PAX8: variants seen among roughly 807,000 people sequenced by gnomAD.
PAX8 encodes paired box 8.
In PAX8, 15 loss-of-function variants were observed where a neutral mutation model predicts 52.4. That is an observed-to-expected ratio of 0.29 (90% confidence interval 0.19 to 0.44). PAX8 has a LOEUF of 0.44. Among genes scored for constraint, PAX8 ranks in the 20% least tolerant of loss-of-function variants. The pLI, the probability that PAX8 is intolerant of heterozygous loss-of-function variation, is 1.00. For synonymous variants in PAX8, 284 were observed against 249.7 expected (o/e 1.14, Z -1.29); for missense variants, 554 against 602.5 (o/e 0.92, Z 0.84).
At chr2:113,250,094 C>T (rs540500807) in intron 2 of PAX8, among the ~76,000 whole-genome samples, 5 of 151,872 alleles carry the variant, frequency 3.3e-5, no homozygotes, top group South Asian at 2.1e-4. Flanking sequence ...GGTGAAACCC[C>T]GTCTCTACTA....
At chr2:113,246,646 G>T in intron 3 of PAX8, 108 bp downstream of exon 3, 3 of 1,272,930 alleles carry the variant, frequency 2.4e-6, no homozygotes, top group Non-Finnish European at 3.3e-6. Context: ...GCTGGACATT[G>T]GGAGCAAATC....
At chr2:113,235,956 C>A (rs1476886141) in intron 8 of PAX8, 1 of 263,866 alleles carries the variant, frequency 3.8e-6, no homozygotes, top group African/African-American at 2.3e-5. Flanking sequence ...GAGGCCCGGC[C>A]TAGGACTGGA....
intron 9 of PAX8, 92 bp from the exon 10 acceptor site, chr2:113,227,348 T>G: frequency 9.7e-7 from 1 of 1,030,948 alleles, no homozygotes; most frequent in Non-Finnish European, 1.5e-6. Flanking sequence ...CTCCATGCCA[T>G]TCCCACCCTC....
chr2:113,220,331 T>C (rs1573397998), intron 10 of PAX8, 153 bp from the exon 11 acceptor site: 1 of 645,332 alleles, frequency 1.5e-6, no homozygotes. Context: ...GCTCAGAAGG[T>C]CCCTCTGTCA....
intron 2 of PAX8, chr2:113,259,621 G>C (rs1692518852): frequency 6.6e-6 from 1 of 152,614 alleles, no homozygotes; most frequent in Non-Finnish European, 1.5e-5. Flanking sequence ...TAGCATCCCT[G>C]AATCTGTATT....
At chr2:113,252,683 GA>G (rs1345155077) in intron 2 of PAX8, among the ~76,000 whole-genome samples, 1 of 152,228 alleles carries the variant, frequency 6.6e-6, no homozygotes, top group Non-Finnish European at 1.5e-5. Flanking sequence ...AACTGTAGCC[GA>G]AAGACAGCAG....
rs4322837 is a variant in PAX8 at position 113,241,446 on chromosome 2, T to C, written c.777+105A>G. On this transcript the variant is annotated intron_variant, in intron 7 of 11. Transcript: ENST00000429538. ...GCATAAGGCAGGTGCCCTGAGCCCATTGATGCAACTTCCAGCTGCTTTGAT... is the reference window on the plus strand; with the variant it reads ...GCATAAGGCAGGTGCCCTGAGCCCACTGATGCAACTTCCAGCTGCTTTGAT... 61,487 of 1,149,208 alleles carry C rather than the reference T, an allele frequency of 0.054. 2,392 individuals carry two copies. Among genetic ancestry groups the C allele is most frequent in the South Asian group, 0.15 (11,368 of 76,000 alleles). 71.2% of individuals were successfully genotyped at this position (1,149,208 alleles called of 1,614,324 possible).
chr2:113,235,867 C>A (rs1690251258), intron 8 of PAX8: 1 of 456,998 alleles, frequency 2.2e-6, no homozygotes, highest in African/African-American at 2.0e-5. Flanking sequence ...CCGGGAGCGG[C>A]CTAGGACCGG....
rs546899513 is a variant in PAX8 at position 113,242,239 on chromosome 2, G to A, written c.479-109C>T. On this transcript the variant is annotated intron_variant, in intron 5 of 11. Transcript: ENST00000429538. ...GCTGGGGACTGCAGGGGCTGGGGGA[G>A]AGGGAGAGGAGCAAGGGGTGGGACA... is the stretch of plus-strand genomic sequence containing the variant. The A allele has an allele frequency of 1.0e-3, 910 of 877,684 alleles. 11 individuals are homozygous for A. In the African/African-American group the frequency reaches 0.014, roughly 13 times the overall value. 54.4% of individuals were successfully genotyped at this position (877,684 alleles called of 1,614,324 possible).
chr2:113,245,491 G>A (rs915263557), intron 3 of PAX8, among the ~76,000 whole-genome samples: 1 of 152,124 alleles, frequency 6.6e-6, no homozygotes, highest in Non-Finnish European at 1.5e-5. Context: ...TTTTCTATCA[G>A]GTTTTAGCAG....
At chr2:113,257,341 G>GT (rs1426781608) in intron 2 of PAX8, among the ~76,000 whole-genome samples, 1 of 152,154 alleles carries the variant, frequency 6.6e-6, no homozygotes, top group Non-Finnish European at 1.5e-5. Context: ...TTGGGGCTCT[G>GT]TTTCCCTGGT....
chr2:113,243,921 C>T (rs1270200680), intron 4 of PAX8, among the ~76,000 whole-genome samples: 1 of 152,150 alleles, frequency 6.6e-6, no homozygotes, highest in Admixed American at 6.5e-5. Flanking sequence ...TATCTGTGTT[C>T]TCATTAGACT....
intron 9 of PAX8, among the ~76,000 whole-genome samples, chr2:113,228,807 C>T (rs986425598): frequency 1.3e-5 from 2 of 152,170 alleles, no homozygotes; most frequent in African/African-American, 2.4e-5. Context: ...ATCAGTCCCC[C>T]CCAGGTCCTT....
rs1689397352 is a variant in PAX8 at position 113,223,951 on chromosome 2, T to G, written c.1189+3204A>C. Among the ~76,000 whole-genome samples, 3 of 151,988 alleles carry G rather than the reference T, an allele frequency of 2.0e-5. No individual in the cohort carries two copies. In the South Asian group the frequency reaches 6.2e-4, roughly 32 times the overall value. On this transcript the variant is annotated intron_variant, in intron 10 of 11. Coordinates refer to ENST00000429538, the MANE Select transcript of PAX8 (RefSeq NM_003466.4). ...GTGTGAATGATGGAAGGATTGATGA[T>G]GAAAGGATGGATGGGTGAAAAGATG...
At chr2:113,240,222 C>T (rs1480074320) in intron 7 of PAX8, 4 of 152,314 alleles carry the variant, frequency 2.6e-5, no homozygotes, top group Middle Eastern at 3.2e-3. Flanking sequence ...TGCGTGAGCA[C>T]CCCAGGCCCT....
rs931233049 is a variant in PAX8 at position 113,241,673 on chromosome 2, G to A, written c.655C>T (p.Pro219Ser). Reference protein sequence around the residue: ...SIDSQSSSSGPRKHLRTDAFS... With the variant: ...SIDSQSSSSGSRKHLRTDAFS... ...GCATCCGTGCGAAGGTGCTTTCGGG[G>A]TCCGCTGCTGCTGCTCTGTGAGTCA... Residue 219 changes from proline to serine, a missense_variant, in exon 7 of 12, where the codon CCC becomes TCC. Physicochemically the swap from Pro to Ser is moderately conservative, Grantham distance 74. Coordinates refer to ENST00000429538, the MANE Select transcript of PAX8 (RefSeq NM_003466.4). 14 of 1,614,052 alleles carry A rather than the reference G, an allele frequency of 8.7e-6. No individual in the cohort carries two copies. Among genetic ancestry groups the A allele is most frequent in the Non-Finnish European group, 1.2e-5 (14 of 1,180,030 alleles).
At chr2:113,230,475 T>C (rs1689825180) in intron 9 of PAX8, 1 of 152,320 alleles carries the variant, frequency 6.6e-6, no homozygotes, top group East Asian at 1.9e-4. Context: ...TCAGTCTCAC[T>C]CCCCTGTACT....
In PAX8 at chr2:113,278,342, G is replaced by T. The variant is rs764563559; in HGVS notation, c.25+28C>A. 7 of 1,532,392 alleles carry T rather than the reference G, an allele frequency of 4.6e-6. No individual in the cohort carries two copies. In the African/African-American group the frequency reaches 9.5e-5, roughly 21 times the overall value. 94.9% of individuals were successfully genotyped at this position (1,532,392 alleles called of 1,614,324 possible). On this transcript the variant is annotated intron_variant, in intron 2 of 11. Transcript: ENST00000429538. ...CGGACGCTCAGCGGCGCGGGGGCTCGGGGATCCTGACCACACCGCGTTCTT... is the reference window on the plus strand; with the variant it reads ...CGGACGCTCAGCGGCGCGGGGGCTCTGGGATCCTGACCACACCGCGTTCTT...
chr2:113,237,962 C>T (rs1269559135), intron 7 of PAX8: 1 of 152,170 alleles, frequency 6.6e-6, no homozygotes, highest in Non-Finnish European at 1.5e-5. Context: ...CTGGAGGCCA[C>T]CAGGGCACCA....
Sources: allele counts gnomAD v4.1 joint callset (sites outside exome capture counted in the v4.1 genomes callset), GRCh38; gene constraint gnomAD v4.1.1; transcripts MANE v1.5; gene names NCBI Gene and HGNC (gene_info 2026-07-23, HGNC 2026-07-21).